Variants in HLA-DMA observed in about 807,000 individuals in gnomAD.
The protein encoded by HLA-DMA is HLA class II histocompatibility antigen, DM alpha chain.
HLA-DMA carries 20 observed loss-of-function variants against 27.3 expected under a neutral mutation model. The ratio of observed to expected loss-of-function variants is 0.73; its 90% CI spans 0.52 to 1.07. The LOEUF (loss-of-function observed/expected upper bound fraction) is 1.07, where lower values mean the gene tolerates loss of function less well. HLA-DMA is among the 50% of genes least tolerant of loss of function. The pLI is 0.00. For synonymous variants in HLA-DMA, 111 were observed against 126.8 expected (o/e 0.88, Z 0.83); for missense variants, 241 against 321.7 (o/e 0.75, Z 1.92).
rs774366254 is a variant in HLA-DMA at position 32,949,234 on chromosome 6, C to A, written c.781+37G>T. 2 of 1,613,580 alleles carry A rather than the reference C, an allele frequency of 1.2e-6. No individual in the cohort carries two copies. The highest frequency in any genetic ancestry group is 2.2e-5 in the South Asian group (2 of 91,044). On this transcript the variant is annotated intron_variant, in intron 4 of 4. Coordinates refer to ENST00000374843, the MANE Select transcript of HLA-DMA (RefSeq NM_006120.4). This position sits in a 1 kb window ranked among gnomAD's most constrained non-coding sequence, Gnocchi z 5.8. The stretch of plus-strand genomic sequence containing the variant: ...TGCACGCATGCACCACTGTATCTGG[C>A]TCCCACAGGCTCACCCGCCCCCTCC...
Position 32,948,716 on chromosome 6 carries a change from G to C in HLA-DMA, c.*148C>G, listed in dbSNP as rs1225990223. 2 of 913,674 alleles carry C rather than the reference G, an allele frequency of 2.2e-6. No individual in the cohort carries two copies. The highest frequency in any genetic ancestry group is 1.6e-5 in the African/African-American group (1 of 61,186). The allele number at this position is 913,674 out of a possible 1,614,324, so 56.6% of individuals were successfully genotyped here. On this transcript the variant is annotated 3_prime_UTR_variant, in exon 5 of 5. Coordinates refer to ENST00000374843, the MANE Select transcript of HLA-DMA (RefSeq NM_006120.4). ...GGGATGCAAGCCCAGGGACAGCAGA[G>C]TCCCCAGGTGGGAAATCTACACACA...
At position 32,949,371 on chromosome 6, in the gene HLA-DMA, C is replaced by G; in HGVS notation, c.681G>C (p.Leu227=). 6.2e-7 allele frequency: 1 copy of G among 1,614,122 alleles called. No homozygotes were observed. The highest frequency in any genetic ancestry group is 8.5e-7 in the Non-Finnish European group (1 of 1,180,006). ...CCACGCCACACAGCACATTCTCCAG[C>G]AGATCTGAGGGCAGTGCGTTCCGGG... ...WVPRNALPSD[L]LENVLCGVAF... Residue 227 remains leucine, a synonymous_variant, in exon 4 of 5, where the codon CTG becomes CTC. Coordinates refer to ENST00000374843, the MANE Select transcript of HLA-DMA (RefSeq NM_006120.4). This position sits in a 1 kb window ranked among gnomAD's most constrained non-coding sequence, Gnocchi z 5.8.
chr6:32,949,411 G>T lies in HLA-DMA; in HGVS notation c.653-12C>A. The T allele has an allele frequency of 1.9e-6, 3 of 1,613,478 alleles. No individual in the cohort carries two copies. Among genetic ancestry groups the T allele is most frequent in the Non-Finnish European group, 2.5e-6 (3 of 1,179,656 alleles). The stretch of plus-strand genomic sequence containing the variant: ...TGCGTTCCGGGGTACTGGAGGAAAT[G>T]AGTGGCTCAGCCTGGGGACCTAGTT... On this transcript the variant is annotated splice_polypyrimidine_tract_variant and intron_variant, in intron 3 of 4. Transcript: ENST00000374843. This position sits in a 1 kb window ranked among gnomAD's most constrained non-coding sequence, Gnocchi z 5.8.
rs749107131 is a variant in HLA-DMA, at chr6:32,952,978, A to C, written c.59T>G (p.Leu20Arg). The C allele has an allele frequency of 6.2e-7, 1 of 1,612,962 alleles. No homozygotes were observed. The highest frequency in any genetic ancestry group is 2.2e-5 in the East Asian group (1 of 44,886). The change falls in exon 1 of 5, where the codon CTG (leucine) becomes CGG (arginine). Residue 20 changes from leucine to arginine, a missense_variant. Leu to Arg is a moderately radical substitution (Grantham distance 102). Coordinates refer to ENST00000374843, the MANE Select transcript of HLA-DMA (RefSeq NM_006120.4). ...ALLQMLPLLW[L>R]LPHSWAVPEA... is the part of the protein sequence containing the mutation. ...AGGGACGGCCCAGGAGTGGGGTAGC[A>C]GCCACAGAAGTGGTAACATCTGTAG...
chr6:32,951,350 C>T (rs1776890964), intron 1 of HLA-DMA, among the ~76,000 whole-genome samples: 2 of 152,256 alleles, frequency 1.3e-5, no homozygotes, highest in East Asian at 3.9e-4. Flanking sequence ...CAGATTCAGG[C>T]CAGGCATGGT....
rs200313771 is a variant in HLA-DMA, at chr6:32,949,329, C to T, written c.723G>A (p.Val241=). 3.7e-6 allele frequency: 6 copies of T among 1,614,212 alleles called. No homozygotes were observed. The East Asian group carries it at 1.1e-4, about 30-fold the overall frequency. Residue 241 remains valine, a synonymous_variant, in exon 4 of 5, where the codon GTG becomes GTA. Transcript: ENST00000374843. This position sits in a 1 kb window ranked among gnomAD's most constrained non-coding sequence, Gnocchi z 5.8. ...GAACAATGCCCACGATGATGCCCAG[C>T]ACACCCAGGCCAAAGGCCACGCCAC... ...VLCGVAFGLG[V]LGIIVGIVLI...
rs1193649044 is a variant in HLA-DMA at position 32,950,779 on chromosome 6, T to C, written c.113A>G (p.Asp38Gly). 6.2e-7 allele frequency: 1 copy of C among 1,612,246 alleles called. No individual in the cohort carries two copies. The highest frequency in any genetic ancestry group is 1.7e-5 in the Admixed American group (1 of 60,016). Residue 38 changes from aspartate (D) to glycine (G), a missense_variant, in exon 2 of 5, where the codon GAC becomes GGC. By Grantham distance (94) the Asp-to-Gly change is moderately conservative (BLOSUM62 -1). Coordinates refer to ENST00000374843, the MANE Select transcript of HLA-DMA (RefSeq NM_006120.4). This position sits in a 1 kb window ranked among gnomAD's most constrained non-coding sequence, Gnocchi z 5.0. ...GTGCAGGAATGTGTGGTTTTGCAGG[T>C]CATCTGGCCACATTGGAGTAGGAGC... ...PEAPTPMWPD[D>G]LQNHTFLHTV...
Position 32,949,525 on chromosome 6 carries a change from G to A in HLA-DMA, c.652+86C>T. ...CTTAGGGTAGGAATGGACTAAACAA[G>A]GTACCAGTGGAGAAAGAAGCCTCCT... On this transcript the variant is annotated intron_variant, in intron 3 of 4. Transcript: ENST00000374843. This position sits in a 1 kb window ranked among gnomAD's most constrained non-coding sequence, Gnocchi z 5.8. The A allele has an allele frequency of 1.3e-6, 2 of 1,588,870 alleles. No individual in the cohort carries two copies. Among genetic ancestry groups the A allele is most frequent in the South Asian group, 1.1e-5 (1 of 89,406 alleles).
At chr6:32,952,635 C>T (rs754641927) in intron 1 of HLA-DMA, among the ~76,000 whole-genome samples, 47 of 152,190 alleles carry the variant, frequency 3.1e-4, no homozygotes, top group African/African-American at 7.2e-5. Context: ...GTGAAAATAA[C>T]ATTCACTTTG....
intron 4 of HLA-DMA, 46 bp from the exon 5 acceptor site, chr6:32,948,914 C>A (rs1776765998): frequency 5.7e-6 from 9 of 1,579,716 alleles, no homozygotes; most frequent in Non-Finnish European, 7.8e-6. Context: ...GGGATCCATC[C>A]TCCTCCTCCT....
Position 32,950,482 on chromosome 6 carries a change from C to A in HLA-DMA, c.373+37G>T. The A allele has an allele frequency of 6.2e-7, 1 of 1,606,914 alleles. No individual in the cohort carries two copies. Among genetic ancestry groups the A allele is most frequent in the Non-Finnish European group, 8.5e-7 (1 of 1,175,096 alleles). The stretch of plus-strand genomic sequence containing the variant: ...AGTGTACAGATCAATGAGGTTAATG[C>A]AGCCCTCCTCCCTTCACTCCCCAGA... On this transcript the variant is annotated intron_variant, in intron 2 of 4. Coordinates refer to ENST00000374843, the MANE Select transcript of HLA-DMA (RefSeq NM_006120.4). The surrounding 1 kb of genome is among the most constrained non-coding windows in gnomAD (Gnocchi z 5.0).
At position 32,950,778 on chromosome 6, in the gene HLA-DMA, G is replaced by A; in HGVS notation, c.114C>T (p.Asp38=). The A allele has an allele frequency of 6.2e-7, 1 of 1,612,486 alleles. No individual in the cohort carries two copies. The highest frequency in any genetic ancestry group is 8.5e-7 in the Non-Finnish European group (1 of 1,179,546). ...PEAPTPMWPD[D]LQNHTFLHTV... is the part of the protein sequence containing the mutation. ...TGTGCAGGAATGTGTGGTTTTGCAG[G>A]TCATCTGGCCACATTGGAGTAGGAG... Residue 38 remains aspartate (D), a synonymous_variant, in exon 2 of 5, where the codon GAC becomes GAT. Coordinates refer to ENST00000374843, the MANE Select transcript of HLA-DMA (RefSeq NM_006120.4). This position sits in a 1 kb window ranked among gnomAD's most constrained non-coding sequence, Gnocchi z 5.0.
rs1012187061 is a variant in HLA-DMA, at chr6:32,952,824, C to T, written c.88+125G>A. On this transcript the variant is annotated intron_variant, in intron 1 of 4. Coordinates refer to ENST00000374843, the MANE Select transcript of HLA-DMA (RefSeq NM_006120.4). ...ACCACACATAGCAGCTGTCTTTCCC[C>T]ACTCCCCTGTTGTTTCCACTGCCTC... The T allele has an allele frequency of 4.9e-5, 35 of 707,778 alleles. No individual in the cohort carries two copies. The African/African-American group carries it at 5.5e-4, about 11-fold the overall frequency. The allele number at this position is 707,778 out of a possible 1,614,324, so 43.8% of individuals were successfully genotyped here.
rs775368596 is a variant in HLA-DMA, at chr6:32,949,561, T to C, written c.652+50A>G. 6.2e-7 allele frequency: 1 copy of C among 1,608,742 alleles called. No homozygotes were observed. Among genetic ancestry groups the C allele is most frequent in the African/African-American group, 1.3e-5 (1 of 74,810 alleles). ...AGAAAGAAGCCTCCTCCCATGGATC[T>C]ATCCCTTTTTGCCCCCAAAAGGACC... On this transcript the variant is annotated intron_variant, in intron 3 of 4. Transcript: ENST00000374843. This position sits in a 1 kb window ranked among gnomAD's most constrained non-coding sequence, Gnocchi z 5.8.
At chr6:32,948,996 T>G in intron 4 of HLA-DMA, 128 bp from the exon 5 acceptor site, 1 of 1,113,922 alleles carries the variant, frequency 9.0e-7, no homozygotes, top group Non-Finnish European at 1.3e-6. Context: ...AGTTGATCTC[T>G]CCTTGTTCCC....
Position 32,950,498 on chromosome 6 carries a change from A to T in HLA-DMA, c.373+21T>A. The T allele has an allele frequency of 1.2e-6, 2 of 1,611,524 alleles. No individual in the cohort carries two copies. Among genetic ancestry groups the T allele is most frequent in the Non-Finnish European group, 1.7e-6 (2 of 1,179,330 alleles). ...AGGTTAATGCAGCCCTCCTCCCTTCACTCCCCAGAAAACTCCTGACCTCTG... is the reference window on the plus strand; with the variant it reads ...AGGTTAATGCAGCCCTCCTCCCTTCTCTCCCCAGAAAACTCCTGACCTCTG... On this transcript the variant is annotated intron_variant, in intron 2 of 4. Coordinates refer to ENST00000374843, the MANE Select transcript of HLA-DMA (RefSeq NM_006120.4). This position sits in a 1 kb window ranked among gnomAD's most constrained non-coding sequence, Gnocchi z 5.0.
chr6:32,948,794 A>T lies in HLA-DMA; in HGVS notation c.*70T>A, dbSNP rs1776758036. ...ACCCTAAGAGGAGATCCTGGGCAGG[A>T]TGTGAGAAATCTGAGCATCCTCTGT... On this transcript the variant is annotated 3_prime_UTR_variant, in exon 5 of 5. Transcript: ENST00000374843. 3 of 1,575,906 alleles carry T rather than the reference A, an allele frequency of 1.9e-6. No individual in the cohort carries two copies. The highest frequency in any genetic ancestry group is 4.5e-5 in the East Asian group (2 of 44,724).
rs774366254 is a variant in HLA-DMA at position 32,949,234 on chromosome 6, C to T, written c.781+37G>A. On this transcript the variant is annotated intron_variant, in intron 4 of 4. Coordinates refer to ENST00000374843, the MANE Select transcript of HLA-DMA (RefSeq NM_006120.4). This position sits in a 1 kb window ranked among gnomAD's most constrained non-coding sequence, Gnocchi z 5.8. ...TGCACGCATGCACCACTGTATCTGG[C>T]TCCCACAGGCTCACCCGCCCCCTCC... is the stretch of plus-strand genomic sequence containing the variant. The T allele has an allele frequency of 1.9e-5, 31 of 1,613,464 alleles. 1 individual carries two copies. In the South Asian group the frequency reaches 3.2e-4, roughly 17 times the overall value.
At position 32,950,273 on chromosome 6, in the gene HLA-DMA, G is replaced by T; in HGVS notation, c.373+246C>A. The T allele has an allele frequency of 1.7e-6, 1 of 602,278 alleles. No individual in the cohort carries two copies. The highest frequency in any genetic ancestry group is 2.8e-5 in the East Asian group (1 of 36,360). 37.3% of individuals were successfully genotyped at this position (602,278 alleles called of 1,614,324 possible). A position where few individuals can be genotyped will look rare whatever the true frequency, so the allele number is the denominator to read the frequency against. ...TAGCACAAGTGTTAATATTCAGTAGGTATCAGTTGGTACCTGTTGAATTCA... is the reference window on the plus strand; with the variant it reads ...TAGCACAAGTGTTAATATTCAGTAGTTATCAGTTGGTACCTGTTGAATTCA... On this transcript the variant is annotated intron_variant, in intron 2 of 4. Coordinates refer to ENST00000374843, the MANE Select transcript of HLA-DMA (RefSeq NM_006120.4). This position sits in a 1 kb window ranked among gnomAD's most constrained non-coding sequence, Gnocchi z 5.0.
Sources: allele counts gnomAD v4.1 joint callset (sites outside exome capture counted in the v4.1 genomes callset), GRCh38; gene constraint gnomAD v4.1.1; non-coding constraint Gnocchi (gnomAD v3.1); transcripts MANE v1.5; gene names NCBI Gene and HGNC (gene_info 2026-07-23, HGNC 2026-07-21).